MRO: variants seen among roughly 807,000 people sequenced by gnomAD.
MRO encodes the protein maestro.
MRO carries 28 observed loss-of-function variants against 31.0 expected under a neutral mutation model. The ratio of observed to expected loss-of-function variants is 0.90; its 90% CI spans 0.67 to 1.24. The LOEUF (loss-of-function observed/expected upper bound fraction) is 1.24, where lower values mean the gene tolerates loss of function less well. Among genes scored for constraint, MRO ranks in the 50% most tolerant of loss-of-function variants. The pLI is 0.00. For missense variants in MRO, 332 were observed against 289.2 expected (o/e 1.15, Z -1.07); for synonymous variants, 108 against 108.4 (o/e 1.00, Z 0.02).
rs1039544185 is a variant in MRO, at chr18:50,798,657, T to C, written c.*680A>G. On this transcript the variant is annotated 3_prime_UTR_variant, in exon 8 of 8. Transcript: ENST00000398439. ...AGCACTTTGACCGTGCCCACTGAAT[T>C]GTAAGCACTCGGTGTTACCTACTAT... 2 of 152,242 alleles carry C rather than the reference T, an allele frequency of 1.3e-5. No individual in the cohort carries two copies. Among genetic ancestry groups the C allele is most frequent in the African/African-American group, 4.8e-5 (2 of 41,458 alleles). 9.4% of individuals were successfully genotyped at this position (152,242 alleles called of 1,614,324 possible). A position where few individuals can be genotyped will look rare whatever the true frequency, so the allele number is the denominator to read the frequency against.
At chr18:50,814,636 T>C (rs183210440) in intron 2 of MRO, 177 of 212,584 alleles carry the variant, frequency 8.3e-4, no homozygotes, top group Middle Eastern at 3.8e-3. Flanking sequence ...GACAGCTGTC[T>C]CTAGAGAGGG....
chr18:50,822,858 A>T (rs1357205785), upstream of MRO, among the ~76,000 whole-genome samples: 1 of 151,954 alleles, frequency 6.6e-6, no homozygotes, highest in Non-Finnish European at 1.5e-5. Flanking sequence ...ATGGAGGCAG[A>T]GTGCTCGGCA....
At chr18:50,819,402 T>C in intron 2 of MRO, 179 bp downstream of exon 2, 1 of 983,708 alleles carries the variant, frequency 1.0e-6, no homozygotes, top group African/African-American at 1.7e-5. Flanking sequence ...CAAAATCAGC[T>C]TCCTGGTCAA....
intron 4 of MRO, 141 bp downstream of exon 4, chr18:50,806,563 A>G (rs1415640935): frequency 9.9e-7 from 1 of 1,008,856 alleles, no homozygotes. Context: ...GTGTTGCTGT[A>G]AGCTGCTAAG....
chr18:50,817,346 A>G (rs1035323067), intron 2 of MRO, among the ~76,000 whole-genome samples: 8 of 152,064 alleles, frequency 5.3e-5, no homozygotes, highest in African/African-American at 1.7e-4. Flanking sequence ...TACAAACTCC[A>G]AGCCAGAGGT....
rs1289710298 is a variant in MRO at position 50,805,260 on chromosome 18, T to C, written c.323A>G (p.His108Arg). 1 of 1,614,132 alleles carries C rather than the reference T, an allele frequency of 6.2e-7. No homozygotes were observed. The highest frequency in any genetic ancestry group is 1.1e-5 in the South Asian group (1 of 91,082). ...LYDPVNLEVI[H>R]ESMKTLTVVL... ...GACGGTCAGAGTCTTCATACTCTCA[T>C]GGATGACTTCCAAATTCACAGGGTC... The change falls in exon 5 of 8, where the codon CAT becomes CGT. Residue 108 changes from histidine (H) to arginine (R), a missense_variant. By Grantham distance (29) the His-to-Arg change is conservative (BLOSUM62 0). Transcript: ENST00000398439.
chr18:50,815,696 T>C, intron 2 of MRO: 1 of 436,120 alleles, frequency 2.3e-6, no homozygotes. Context: ...GTTATGGATC[T>C]GGTAGTGGAA....
chr18:50,811,916 A>G (rs1267331386), intron 2 of MRO, among the ~76,000 whole-genome samples: 3 of 151,582 alleles, frequency 2.0e-5, no homozygotes, highest in Admixed American at 2.0e-4. Flanking sequence ...TAATTTTTGT[A>G]TTTTTAGTAG....
At chr18:50,805,379 T>C (rs770797362) in intron 4 of MRO, 43 bp from the exon 5 acceptor site, 2 of 1,564,898 alleles carry the variant, frequency 1.3e-6, no homozygotes, top group Non-Finnish European at 1.7e-6. Flanking sequence ...CAGGAACTGC[T>C]CCCCATAGGT....
chr18:50,806,089 A>G (rs913045609), intron 4 of MRO, among the ~76,000 whole-genome samples: 1 of 151,984 alleles, frequency 6.6e-6, no homozygotes, highest in Non-Finnish European at 1.5e-5. Context: ...ATGCCTGGGC[A>G]ATTTTTTGTA....
At position 50,802,909 on chromosome 18, in the gene MRO, T is replaced by TA. The variant is rs1392005013; in HGVS notation, c.430-1406_430-1405insT. On this transcript the variant is annotated intron_variant, in intron 5 of 7. Coordinates refer to ENST00000398439, the MANE Select transcript of MRO (RefSeq NM_031939.6). ...CTATTAGTGAGTGTTTGTGTATGTG[T>TA]GTGTGTAGTGTGTGTGTGTGTGTGT... Among the ~76,000 whole-genome samples the TA allele has an allele frequency of 8.3e-5, 10 of 120,728 alleles. No homozygotes were observed. The East Asian group carries it at 2.0e-3, about 25-fold the overall frequency. 79.2% of individuals were successfully genotyped at this position (120,728 alleles called of 152,430 possible).
At chr18:50,821,023 A>G (rs1951106686), upstream of MRO, among the ~76,000 whole-genome samples, 1 of 152,258 alleles carries the variant, frequency 6.6e-6, no homozygotes, top group South Asian at 2.1e-4. Flanking sequence ...TGACAGAGAA[A>G]GGAAGCTAGA....
intron 7 of MRO, among the ~76,000 whole-genome samples, chr18:50,799,784 G>A (rs543308693): frequency 2.6e-5 from 4 of 152,218 alleles, no homozygotes; most frequent in South Asian, 2.1e-4. Context: ...GGTGGTGCAC[G>A]CCTGTAATCT....
At chr18:50,802,991 T>G (rs902258494) in intron 5 of MRO, among the ~76,000 whole-genome samples, 15 of 151,784 alleles carry the variant, frequency 9.9e-5, no homozygotes, top group African/African-American at 3.6e-4. Context: ...CATACCCTAA[T>G]GCTTTAAGAT....
At chr18:50,819,521 C>G in intron 2 of MRO, 60 bp downstream of exon 2, 3 of 1,542,616 alleles carry the variant, frequency 1.9e-6, no homozygotes, top group South Asian at 1.2e-5. Flanking sequence ...TTTGGGAACC[C>G]AAGTGCAGCC....
Position 50,799,143 on chromosome 18 carries a change from T to A in MRO, c.*194A>T. 1 of 558,994 alleles carries A rather than the reference T, an allele frequency of 1.8e-6. No individual in the cohort carries two copies. Among genetic ancestry groups the A allele is most frequent in the East Asian group, 3.0e-5 (1 of 32,960 alleles). 34.6% of individuals were successfully genotyped at this position (558,994 alleles called of 1,614,324 possible). A position where few individuals can be genotyped will look rare whatever the true frequency, so the allele number is the denominator to read the frequency against. On this transcript the variant is annotated 3_prime_UTR_variant, in exon 8 of 8. Coordinates refer to ENST00000398439, the MANE Select transcript of MRO (RefSeq NM_031939.6). ...GAGGAAATGAAATAAGTGAAAGCAG[T>A]CTAGAATTTTACTTTAGATAAAATC...
At chr18:50,817,997 C>CTG (rs1345935532) in intron 2 of MRO, among the ~76,000 whole-genome samples, 2 of 126,316 alleles carry the variant, frequency 1.6e-5, no homozygotes, top group Admixed American at 8.2e-5. Flanking sequence ...AACTCCCACC[C>CTG]CCCGCCCCAT....
In MRO at chr18:50,809,614, A is replaced by G. The variant is rs148019500; in HGVS notation, c.-4-210T>C. ...CAAGAGGAATAGCAGCTTGGGGGTC[A>G]AGGGGGATCTGCCCTCTAGTTCCCC... is the stretch of plus-strand genomic sequence containing the variant. On this transcript the variant is annotated intron_variant, in intron 2 of 7. Transcript: ENST00000398439. 6.4e-3 allele frequency among the ~76,000 whole-genome samples: 976 copies of G among 152,266 alleles called. 9 individuals carry two copies. The highest frequency in any genetic ancestry group is 0.01 in the Non-Finnish European group (684 of 68,010).
rs1200582725 is a variant in MRO at position 50,797,285 on chromosome 18, C to T, written c.*2052G>A. ...CTCCTTCACATGGTGATCTCAGGCA[C>T]TCTCATTTGTTCCTGGTAGTTCAAC... On this transcript the variant is annotated 3_prime_UTR_variant, in exon 8 of 8. Coordinates refer to ENST00000398439, the MANE Select transcript of MRO (RefSeq NM_031939.6). 1.3e-5 allele frequency: 2 copies of T among 152,210 alleles called. No individual in the cohort carries two copies. Among genetic ancestry groups the T allele is most frequent in the Non-Finnish European group, 2.9e-5 (2 of 68,080 alleles). The allele number at this position is 152,210 out of a possible 1,614,324, so 9.4% of individuals were successfully genotyped here. A position where few individuals can be genotyped will look rare whatever the true frequency, so the allele number is the denominator to read the frequency against.
Sources: allele counts gnomAD v4.1 joint callset (sites outside exome capture counted in the v4.1 genomes callset), GRCh38; gene constraint gnomAD v4.1.1; transcripts MANE v1.5; gene names NCBI Gene and HGNC (gene_info 2026-07-23, HGNC 2026-07-21).